The following CELSR1 variants were observed in gnomAD, a reference collection of about 807,000 sequenced individuals.
CELSR1 encodes the protein cadherin EGF LAG seven-pass G-type receptor 1.
Under a neutral mutation model 249.1 loss-of-function variants are expected in CELSR1, and 110 were observed. The observed-to-expected ratio is 0.44, with a 90% CI of 0.38 to 0.52. The LOEUF (loss-of-function observed/expected upper bound fraction) is 0.52, where lower values mean the gene tolerates loss of function less well. Among genes scored for constraint, CELSR1 ranks in the 20% least tolerant of loss-of-function variants. CELSR1 has a pLI of 0.00. For synonymous variants in CELSR1, 2,113 were observed against 1,900.0 expected, an observed-to-expected ratio of 1.11 and a Z score of -2.92; for missense variants, 4,109 against 4,296.4, an observed-to-expected ratio of 0.96 and a Z score of 1.22.
chr22:46,512,385 A>C lies in CELSR1; in HGVS notation c.3544+21242T>G, dbSNP rs1376765341. On this transcript the variant is annotated intron_variant, in intron 1 of 34. Transcript: ENST00000674500. The surrounding 1 kb of genome is among the most constrained non-coding windows in gnomAD (Gnocchi z 5.2). Reference sequence around the variant, plus strand: ...CAGGAGATCGAGACCATCCTGGCCAATATGGTGAAACCCCATCTCTACTAA... The same window carrying C: ...CAGGAGATCGAGACCATCCTGGCCACTATGGTGAAACCCCATCTCTACTAA... Among the ~76,000 whole-genome samples the C allele has an allele frequency of 6.6e-6, 1 of 152,224 alleles. No individual in the cohort carries two copies. The highest frequency in any genetic ancestry group is 1.5e-5 in the Non-Finnish European group (1 of 68,046).
intron 9 of CELSR1, among the ~76,000 whole-genome samples, chr22:46,405,257 G>A (rs969916182): frequency 1.1e-4 from 16 of 151,046 alleles, no homozygotes; most frequent in African/African-American, 3.6e-4. Context: ...TCAGGAGACC[G>A]AGACCATCCT....
chr22:46,526,034 G>T lies in CELSR1; in HGVS notation c.3544+7593C>A, dbSNP rs930853709. Among the ~76,000 whole-genome samples the T allele has an allele frequency of 6.6e-6, 1 of 152,210 alleles. No individual in the cohort carries two copies. Among genetic ancestry groups the T allele is most frequent in the African/African-American group, 2.4e-5 (1 of 41,450 alleles). ...TTAAAAATGGTCTCTCAACACCCTG[G>T]TCGGTACATGGGGCCAGACATAGAC... On this transcript the variant is annotated intron_variant, in intron 1 of 34. Coordinates refer to ENST00000674500, the MANE Select transcript of CELSR1 (RefSeq NM_001378328.1). This position sits in a 1 kb window ranked among gnomAD's most constrained non-coding sequence, Gnocchi z 4.7.
Position 46,393,417 on chromosome 22 carries a change from G to A in CELSR1, c.5964+725C>T. On this transcript the variant is annotated intron_variant, in intron 14 of 34. Transcript: ENST00000674500. The surrounding 1 kb of genome is among the most constrained non-coding windows in gnomAD (Gnocchi z 4.1). ...TGACACTTTCTATTTTAAAACTGCTGTCATCATGGGACACCAGCTTGGTAA... is the reference window on the plus strand; with the variant it reads ...TGACACTTTCTATTTTAAAACTGCTATCATCATGGGACACCAGCTTGGTAA... Among the ~76,000 whole-genome samples the A allele has an allele frequency of 6.6e-6, 1 of 152,222 alleles. No homozygotes were observed. The highest frequency in any genetic ancestry group is 6.5e-5 in the Admixed American group (1 of 15,288).
Position 46,472,641 on chromosome 22 carries a change from C to G in CELSR1, c.3545-8296G>C, listed in dbSNP as rs1386992089. Among the ~76,000 whole-genome samples the G allele has an allele frequency of 6.6e-6, 1 of 152,200 alleles. No homozygotes were observed. On this transcript the variant is annotated intron_variant, in intron 1 of 34. Coordinates refer to ENST00000674500, the MANE Select transcript of CELSR1 (RefSeq NM_001378328.1). This position sits in a 1 kb window ranked among gnomAD's most constrained non-coding sequence, Gnocchi z 7.0. ...GGGTGGCATCAGCTCCCGGGGCCGT[C>G]GGAGCAAAGGGCCGCCGCTGCATCA...
Position 46,417,681 on chromosome 22 carries a change from A to G in CELSR1, c.4612-5922T>C, listed in dbSNP as rs2079418974. On this transcript the variant is annotated intron_variant, in intron 5 of 34. Coordinates refer to ENST00000674500, the MANE Select transcript of CELSR1 (RefSeq NM_001378328.1). The surrounding 1 kb of genome is among the most constrained non-coding windows in gnomAD (Gnocchi z 4.1). ...GGTGCTCCTGAATCCCTCACCTGCC[A>G]GGGACCTGGGGCAGAAGACATACTC... Among the ~76,000 whole-genome samples the G allele has an allele frequency of 1.3e-5, 2 of 152,204 alleles. No individual in the cohort carries two copies. The highest frequency in any genetic ancestry group is 2.4e-5 in the African/African-American group (1 of 41,456).
chr22:46,409,668 G>A lies in CELSR1; in HGVS notation c.5059+87C>T, dbSNP rs1271982270. 5 of 1,519,050 alleles carry A rather than the reference G, an allele frequency of 3.3e-6. No individual in the cohort carries two copies. The highest frequency in any genetic ancestry group is 4.5e-6 in the Non-Finnish European group (5 of 1,110,342). The allele number at this position is 1,519,050 out of a possible 1,614,324, so 94.1% of individuals were successfully genotyped here. ...AGAGGCTGCCGGACCTGGATGTGAA[G>A]CCCCCTCACGGTGGTCCCGGGCACA... On this transcript the variant is annotated intron_variant, in intron 8 of 34. Coordinates refer to ENST00000674500, the MANE Select transcript of CELSR1 (RefSeq NM_001378328.1). The surrounding 1 kb of genome is among the most constrained non-coding windows in gnomAD (Gnocchi z 9.8).
chr22:46,399,628 G>C lies in CELSR1; in HGVS notation c.5412+89C>G. On this transcript the variant is annotated intron_variant, in intron 10 of 34. Coordinates refer to ENST00000674500, the MANE Select transcript of CELSR1 (RefSeq NM_001378328.1). This position sits in a 1 kb window ranked among gnomAD's most constrained non-coding sequence, Gnocchi z 5.0. Reference sequence around the variant, plus strand: ...CCTCCCCAAATCCACAAGGTCTCTGGTGGGTCCTGGCACGTCAAGGGGTCA... The same window carrying C: ...CCTCCCCAAATCCACAAGGTCTCTGCTGGGTCCTGGCACGTCAAGGGGTCA... 3.7e-6 allele frequency: 5 copies of C among 1,360,962 alleles called. No homozygotes were observed. Among genetic ancestry groups the C allele is most frequent in the Non-Finnish European group, 5.2e-6 (5 of 967,634 alleles). The allele number at this position is 1,360,962 out of a possible 1,614,324, so 84.3% of individuals were successfully genotyped here.
chr22:46,364,802 A>T, intron 32 of CELSR1, 66 bp from the exon 33 acceptor site: 1 of 1,493,028 alleles, frequency 6.7e-7, no homozygotes. Context: ...CTTGAGAGCC[A>T]TGGGTCTGGT....
chr22:46,453,116 G>A (rs892241959), intron 2 of CELSR1, among the ~76,000 whole-genome samples: 4 of 152,218 alleles, frequency 2.6e-5, no homozygotes, highest in Non-Finnish European at 4.4e-5. Context: ...TGGGGGGCCT[G>A]GATGTGGGGC....
intron 23 of CELSR1, among the ~76,000 whole-genome samples, chr22:46,378,370 C>T (rs1402390922): frequency 6.6e-6 from 1 of 152,220 alleles, no homozygotes; most frequent in African/African-American, 2.4e-5. Context: ...TTATGGAAAT[C>T]CTCAGACTCT....
At position 46,518,368 on chromosome 22, in the gene CELSR1, G is replaced by A. The variant is rs1181115378; in HGVS notation, c.3544+15259C>T. Among the ~76,000 whole-genome samples, 2 of 152,238 alleles carry A rather than the reference G, an allele frequency of 1.3e-5. No individual in the cohort carries two copies. The highest frequency in any genetic ancestry group is 1.3e-4 in the Admixed American group (2 of 15,286). ...ACACTCAGTCTCGTTAGAGGAGAACGAAGGGAGTGGGCTCCCACAGACCAC... is the reference window on the plus strand; with the variant it reads ...ACACTCAGTCTCGTTAGAGGAGAACAAAGGGAGTGGGCTCCCACAGACCAC... On this transcript the variant is annotated intron_variant, in intron 1 of 34. Transcript: ENST00000674500. This position sits in a 1 kb window ranked among gnomAD's most constrained non-coding sequence, Gnocchi z 5.2.
At position 46,427,973 on chromosome 22, in the gene CELSR1, A is replaced by G. The variant is rs527491956; in HGVS notation, c.4611+5420T>C. Among the ~76,000 whole-genome samples the G allele has an allele frequency of 6.6e-6, 1 of 152,032 alleles. No individual in the cohort carries two copies. Among genetic ancestry groups the G allele is most frequent in the Non-Finnish European group, 1.5e-5 (1 of 68,000 alleles). ...GGGGTGCTCCGGGGGTACATCTCCC[A>G]CTCTCCTTGGGACTCTGGGGTTTAA... is the stretch of plus-strand genomic sequence containing the variant. On this transcript the variant is annotated intron_variant, in intron 5 of 34. Coordinates refer to ENST00000674500, the MANE Select transcript of CELSR1 (RefSeq NM_001378328.1). The surrounding 1 kb of genome is among the most constrained non-coding windows in gnomAD (Gnocchi z 4.2).
intron 23 of CELSR1, chr22:46,377,508 C>T: frequency 1.8e-6 from 1 of 541,130 alleles, no homozygotes; most frequent in Admixed American, 3.1e-5. Flanking sequence ...CCTCCACTGG[C>T]TTGGGGGCCG....
In CELSR1 at chr22:46,411,677, G is replaced by A. The variant is rs1275329422; in HGVS notation, c.4694C>T (p.Thr1565Ile). The A allele has an allele frequency of 3.1e-6, 5 of 1,614,190 alleles. No homozygotes were observed. The highest frequency in any genetic ancestry group is 4.2e-6 in the Non-Finnish European group (5 of 1,180,030). ...AVVTVDDCDT[T>I]MAVRFGKDIG... Reference sequence around the variant, plus strand: ...GTCCTTTCCAAAGCGCACAGCCATGGTTGTGTCACAATCATCCACTGTCAC... The same window carrying A: ...GTCCTTTCCAAAGCGCACAGCCATGATTGTGTCACAATCATCCACTGTCAC... Residue 1565 changes from threonine (T) to isoleucine (I), a missense_variant, in exon 6 of 35, where the codon ACC (threonine) becomes ATC (isoleucine). Physicochemically the swap from Thr to Ile is moderately conservative, Grantham distance 89. This residue lies in a region of CELSR1 where 453 missense variants were observed against 492.0 expected (regional missense o/e 0.92). Transcript: ENST00000674500. The surrounding 1 kb of genome is among the most constrained non-coding windows in gnomAD (Gnocchi z 4.2).
At position 46,526,292 on chromosome 22, in the gene CELSR1, C is replaced by T. The variant is rs559664744; in HGVS notation, c.3544+7335G>A. Among the ~76,000 whole-genome samples the T allele has an allele frequency of 3.3e-5, 5 of 152,328 alleles. No individual in the cohort carries two copies. The highest frequency in any genetic ancestry group is 7.3e-5 in the Non-Finnish European group (5 of 68,030). On this transcript the variant is annotated intron_variant, in intron 1 of 34. Coordinates refer to ENST00000674500, the MANE Select transcript of CELSR1 (RefSeq NM_001378328.1). The surrounding 1 kb of genome is among the most constrained non-coding windows in gnomAD (Gnocchi z 4.7). The stretch of plus-strand genomic sequence containing the variant: ...TTGGGAGACAATGAGGAAGACCTGA[C>T]ACTGCCCACTCCCAAAGCCCCTGAG...
Position 46,440,981 on chromosome 22 carries a change from C to A in CELSR1, c.4184-1570G>T, listed in dbSNP as rs545083145. ...CAGCCTGGCCAACATGGTGAAACCC[C>A]GTCTCTACTAAAAATACAAAAATTA... On this transcript the variant is annotated intron_variant, in intron 2 of 34. Coordinates refer to ENST00000674500, the MANE Select transcript of CELSR1 (RefSeq NM_001378328.1). The surrounding 1 kb of genome is among the most constrained non-coding windows in gnomAD (Gnocchi z 4.7). Among the ~76,000 whole-genome samples the A allele has an allele frequency of 2.0e-5, 3 of 151,878 alleles. No individual in the cohort carries two copies. The highest frequency in any genetic ancestry group is 7.3e-5 in the African/African-American group (3 of 41,346).
At chr22:46,502,129 C>T (rs1433388902) in intron 1 of CELSR1, among the ~76,000 whole-genome samples, 1 of 151,352 alleles carries the variant, frequency 6.6e-6, no homozygotes, top group African/African-American at 2.4e-5. Flanking sequence ...GGCACAGTGG[C>T]GCACAAGCCT....
At chr22:46,511,311 C>T (rs895536941) in intron 1 of CELSR1, among the ~76,000 whole-genome samples, 1 of 152,124 alleles carries the variant, frequency 6.6e-6, no homozygotes, top group African/African-American at 2.4e-5. Flanking sequence ...ACACGCAAAG[C>T]AGGTGCCCCC....
At position 46,397,671 on chromosome 22, in the gene CELSR1, C is replaced by T. The variant is rs369357088; in HGVS notation, c.5701+3G>A. 43 of 1,494,984 alleles carry T rather than the reference C, an allele frequency of 2.9e-5. No homozygotes were observed. Among genetic ancestry groups the T allele is most frequent in the Non-Finnish European group, 3.7e-5 (41 of 1,113,226 alleles). 92.6% of individuals were successfully genotyped at this position (1,494,984 alleles called of 1,614,324 possible). On this transcript the variant is annotated splice_donor_region_variant and intron_variant, in intron 12 of 34. Transcript: ENST00000674500. ...CTGAAGGGCCCCGGGAGGGCGGTCCCACCTTTGTCACAGACGCAGCTGTAG... is the reference window on the plus strand; with the variant it reads ...CTGAAGGGCCCCGGGAGGGCGGTCCTACCTTTGTCACAGACGCAGCTGTAG...
Sources: gnomAD v4.1 joint callset for allele counts (sites outside exome capture counted in the v4.1 genomes callset) on GRCh38, gnomAD v4.1.1 for gene constraint, gnomAD v4.1.1 regional missense constraint, Gnocchi (gnomAD v3.1) non-coding constraint, MANE v1.5 for transcripts, NCBI Gene and HGNC (gene_info 2026-07-23, HGNC 2026-07-21) for gene names.